ANTXR2: variants seen among roughly 807,000 people sequenced by gnomAD.
ANTXR2 encodes the protein ANTXR cell adhesion molecule 2.
ANTXR2 carries 44 observed loss-of-function variants against 73.7 expected under a neutral mutation model. The ratio of observed to expected loss-of-function variants is 0.60; its 90% confidence interval spans 0.47 to 0.77. ANTXR2 has a LOEUF of 0.77. ANTXR2 is among the 30% of genes least tolerant of loss of function. The pLI is 0.00. For synonymous variants in ANTXR2, 217 were observed against 205.9 expected, an observed-to-expected ratio of 1.05 and a Z score of -0.46; for missense variants, 604 against 592.5, an observed-to-expected ratio of 1.02 and a Z score of -0.20.
intron 3 of ANTXR2, among the ~76,000 whole-genome samples, chr4:80,057,189 C>T (rs1286671424): frequency 6.6e-6 from 1 of 151,780 alleles, no homozygotes; most frequent in Non-Finnish European, 1.5e-5. Context: ...AGTACTCACT[C>T]CTACTGAGGA....
chr4:80,008,172 T>TA (rs1731399450), intron 12 of ANTXR2, among the ~76,000 whole-genome samples: 2 of 152,230 alleles, frequency 1.3e-5, no homozygotes, highest in African/African-American at 4.8e-5. Context: ...TTAAAAAAAC[T>TA]GACAAATTAT....
chr4:80,035,111 C>T (rs6534708), intron 8 of ANTXR2, among the ~76,000 whole-genome samples: 15,798 of 152,094 alleles, frequency 0.1, 1,889 homozygotes, highest in East Asian at 0.65. Flanking sequence ...ACCCTCAGCA[C>T]AAAATTGGAG....
intron 16 of ANTXR2, among the ~76,000 whole-genome samples, chr4:79,936,860 T>C (rs1410990465): frequency 1.3e-5 from 2 of 152,044 alleles, no homozygotes; most frequent in African/African-American, 2.4e-5. Context: ...AGTACCACAC[T>C]AAAGGTACTA....
rs533434055 is a variant in ANTXR2, at chr4:79,906,028, A to G, written c.*1401T>C. The G allele has an allele frequency of 6.5e-6, 1 of 152,696 alleles. No individual in the cohort carries two copies. The highest frequency in any genetic ancestry group is 2.1e-4 in the South Asian group (1 of 4,830). 9.5% of individuals were successfully genotyped at this position (152,696 alleles called of 1,614,324 possible). ...CGCACTTTGTCAGGTTTCCACTCGA[A>G]TATCCATTTCGCATCTGAAGTACAG... On this transcript the variant is annotated 3_prime_UTR_variant, in exon 17 of 17. Coordinates refer to ENST00000403729, the MANE Select transcript of ANTXR2 (RefSeq NM_058172.6).
chr4:79,916,836 A>G (rs567706474), intron 16 of ANTXR2, among the ~76,000 whole-genome samples: 1 of 152,292 alleles, frequency 6.6e-6, no homozygotes, highest in South Asian at 2.1e-4. Flanking sequence ...CATCTTTTAT[A>G]TTACAAAAAA....
rs1391182680 is a variant in ANTXR2 at position 80,055,222 on chromosome 4, T to C, written c.487-4A>G. On this transcript the variant is annotated splice_polypyrimidine_tract_variant and splice_region_variant and intron_variant, in intron 5 of 16. Coordinates refer to ENST00000403729, the MANE Select transcript of ANTXR2 (RefSeq NM_058172.6). ...CAAGTGACCTGGATATCTTTGCCTATGGAGAATGAGGAGGGAAAGAGAGAA... is the reference window on the plus strand; with the variant it reads ...CAAGTGACCTGGATATCTTTGCCTACGGAGAATGAGGAGGGAAAGAGAGAA... 19 of 1,566,636 alleles carry C rather than the reference T, an allele frequency of 1.2e-5. No individual in the cohort carries two copies. The Middle Eastern group carries it at 5.0e-4, about 41-fold the overall frequency.
intron 7 of ANTXR2, among the ~76,000 whole-genome samples, chr4:80,052,554 A>G (rs1337422871): frequency 2.6e-5 from 4 of 151,652 alleles, no homozygotes; most frequent in African/African-American, 9.7e-5. Context: ...CCAAAAGGTG[A>G]CTTTCCTAAG....
chr4:80,061,764 A>T (rs1268800218), intron 3 of ANTXR2, among the ~76,000 whole-genome samples: 1 of 152,164 alleles, frequency 6.6e-6, no homozygotes, highest in Non-Finnish European at 1.5e-5. Context: ...CTGCTCAGTA[A>T]ACTTTGATAC....
At chr4:80,033,411 A>G in intron 9 of ANTXR2, 61 bp downstream of exon 9, 1 of 1,308,866 alleles carries the variant, frequency 7.6e-7, no homozygotes, top group Non-Finnish European at 1.1e-6. Context: ...AAAAAAGAAA[A>G]CATTTGATGC....
intron 16 of ANTXR2, among the ~76,000 whole-genome samples, chr4:79,911,840 T>C (rs1178656521): frequency 6.6e-6 from 1 of 151,472 alleles, no homozygotes; most frequent in African/African-American, 2.4e-5. Flanking sequence ...ATGTAAATCA[T>C]GAGTAAAATC....
At chr4:80,050,306 T>C (rs984145564) in intron 7 of ANTXR2, among the ~76,000 whole-genome samples, 1 of 151,750 alleles carries the variant, frequency 6.6e-6, no homozygotes, top group African/African-American at 2.4e-5. Context: ...CTTTGTGTGC[T>C]ACACTATCTA....
intron 16 of ANTXR2, among the ~76,000 whole-genome samples, chr4:79,954,926 T>C (rs954176603): frequency 4.6e-5 from 7 of 152,212 alleles, no homozygotes; most frequent in African/African-American, 1.7e-4. Context: ...CCATTATTGT[T>C]AGGTCAAGTT....
Position 80,072,473 on chromosome 4 carries a change from G to A in ANTXR2, c.88C>T (p.Leu30=). Residue 30 remains leucine, a synonymous_variant, in exon 1 of 17, where the codon CTG becomes TTG. Transcript: ENST00000403729. ...WLLVLSGPGG[L]LRAQEQPSCR... ...GAGGGCTGCTCCTGGGCGCGCAGCA[G>A]CCCCCCGGGACCGCTGAGCACCAAC... 6.2e-7 allele frequency: 1 copy of A among 1,610,354 alleles called. No individual in the cohort carries two copies. The highest frequency in any genetic ancestry group is 8.5e-7 in the Non-Finnish European group (1 of 1,178,560).
chr4:80,046,809 A>G (rs1459992682), intron 7 of ANTXR2, among the ~76,000 whole-genome samples: 4 of 151,810 alleles, frequency 2.6e-5, no homozygotes, highest in Non-Finnish European at 5.9e-5. Flanking sequence ...AACACAGCAA[A>G]GTGTCTTGAA....
At chr4:80,006,300 A>G (rs1047268307) in intron 12 of ANTXR2, among the ~76,000 whole-genome samples, 40 of 151,936 alleles carry the variant, frequency 2.6e-4, no homozygotes, top group Non-Finnish European at 5.1e-4. Context: ...AGTTCCTAGC[A>G]CAGTACTGAC....
At chr4:79,917,524 G>A (rs1376991733) in intron 16 of ANTXR2, among the ~76,000 whole-genome samples, 1 of 152,130 alleles carries the variant, frequency 6.6e-6, no homozygotes, top group Non-Finnish European at 1.5e-5. Context: ...CAGTTAAGGG[G>A]ACTGTGGCAG....
chr4:80,059,335 T>C (rs992008021), intron 3 of ANTXR2, among the ~76,000 whole-genome samples: 3 of 151,186 alleles, frequency 2.0e-5, no homozygotes, highest in South Asian at 2.1e-4. Context: ...TATATATATA[T>C]GGTGTTTTCC....
intron 12 of ANTXR2, among the ~76,000 whole-genome samples, chr4:80,006,237 T>A (rs1369207798): frequency 6.6e-6 from 1 of 152,078 alleles, no homozygotes; most frequent in African/African-American, 2.4e-5. Flanking sequence ...TTTCTATGTT[T>A]CCATATTAAA....
At chr4:79,918,870 T>C (rs566577190) in intron 16 of ANTXR2, among the ~76,000 whole-genome samples, 1 of 152,198 alleles carries the variant, frequency 6.6e-6, no homozygotes, top group African/African-American at 2.4e-5. Context: ...ATAACATATG[T>C]AGTAGTAGAA....
Sources: allele counts gnomAD v4.1 joint callset (sites outside exome capture counted in the v4.1 genomes callset), GRCh38; gene constraint gnomAD v4.1.1; transcripts MANE v1.5; gene names NCBI Gene and HGNC (gene_info 2026-07-23, HGNC 2026-07-21).